Variants in WDR70 observed in about 807,000 individuals in gnomAD.
WDR70 encodes the protein WD repeat domain 70.
A neutral mutation model predicts 88.6 loss-of-function variants in WDR70; 53 were observed. The ratio of observed to expected loss-of-function variants is 0.60; its 90% CI spans 0.48 to 0.75. The LOEUF is 0.75. WDR70 is among the 30% of genes least tolerant of loss of function. The pLI is 0.00. For missense variants in WDR70, 610 were observed against 823.2 expected, an observed-to-expected ratio of 0.74 and a Z score of 3.17; for synonymous variants, 280 against 270.0, an observed-to-expected ratio of 1.04 and a Z score of -0.36.
At chr5:37,709,904 A>T (rs1371105387) in intron 13 of WDR70, among the ~76,000 whole-genome samples, 1 of 152,152 alleles carries the variant, frequency 6.6e-6, no homozygotes, top group African/African-American at 2.4e-5. Flanking sequence ...TTTAAATGGG[A>T]ATTTGAATTC....
In WDR70 at chr5:37,459,350, G is replaced by A. The variant is rs1182829834; in HGVS notation, c.686+15978G>A. On this transcript the variant is annotated intron_variant, in intron 7 of 17. Coordinates refer to ENST00000265107, the MANE Select transcript of WDR70 (RefSeq NM_018034.4). ...TGTAGATGTCTATTAGGTCCGCTTG[G>A]TGCAGAGCTGAGTTCAATTCCTGAA... Among the ~76,000 whole-genome samples, 6 of 150,730 alleles carry A rather than the reference G, an allele frequency of 4.0e-5. No individual in the cohort carries two copies. In the East Asian group the frequency reaches 9.9e-4, roughly 25 times the overall value.
At chr5:37,487,174 C>T (rs1183268897) in intron 8 of WDR70, among the ~76,000 whole-genome samples, 1 of 152,150 alleles carries the variant, frequency 6.6e-6, no homozygotes, top group Non-Finnish European at 1.5e-5. Flanking sequence ...CAAATATTCT[C>T]TCTCTTTTGA....
intron 10 of WDR70, among the ~76,000 whole-genome samples, chr5:37,619,770 T>G (rs1262823611): frequency 6.6e-6 from 1 of 151,912 alleles, no homozygotes; most frequent in Admixed American, 6.6e-5. Flanking sequence ...TGTTTTTTCT[T>G]CTACTAATTA....
chr5:37,457,026 A>G (rs1187747407), intron 7 of WDR70, among the ~76,000 whole-genome samples: 1 of 152,222 alleles, frequency 6.6e-6, no homozygotes, highest in African/African-American at 2.4e-5. Flanking sequence ...AAGAGAACAT[A>G]TACTATCCAA....
intron 16 of WDR70, among the ~76,000 whole-genome samples, chr5:37,726,208 T>G (rs1747966072): frequency 6.6e-6 from 1 of 152,210 alleles, no homozygotes; most frequent in African/African-American, 2.4e-5. Context: ...ATCTCACAGT[T>G]AATTATTTCC....
At chr5:37,402,667 C>T (rs576183079) in intron 5 of WDR70, among the ~76,000 whole-genome samples, 3 of 152,188 alleles carry the variant, frequency 2.0e-5, no homozygotes, top group African/African-American at 7.2e-5. Flanking sequence ...TTATTCTCTT[C>T]TAGCTGTTTT....
intron 9 of WDR70, among the ~76,000 whole-genome samples, chr5:37,600,544 A>AG (rs1554155789): frequency 2.0e-5 from 3 of 151,306 alleles, no homozygotes; most frequent in Non-Finnish European, 2.9e-5. Context: ...AAAAAAAAAA[A>AG]GAACATCTAG....
intron 10 of WDR70, among the ~76,000 whole-genome samples, chr5:37,686,881 A>G (rs537367968): frequency 2.6e-4 from 39 of 150,460 alleles, no homozygotes; most frequent in South Asian, 4.3e-4. Context: ...AGGCACACCT[A>G]AGAATAAGAG....
chr5:37,389,222 A>G (rs1385910414), intron 3 of WDR70, among the ~76,000 whole-genome samples: 1 of 149,766 alleles, frequency 6.7e-6, no homozygotes, highest in Admixed American at 6.7e-5. Context: ...TGTCCCGAGT[A>G]GCTGGGACTA....
chr5:37,691,901 C>A (rs568477020), intron 10 of WDR70, among the ~76,000 whole-genome samples: 3 of 152,096 alleles, frequency 2.0e-5, no homozygotes, highest in Non-Finnish European at 2.9e-5. Context: ...CCTTCAAAAA[C>A]ACAATGAATC....
intron 9 of WDR70, among the ~76,000 whole-genome samples, chr5:37,544,522 G>T (rs1186629440): frequency 2.0e-5 from 3 of 152,162 alleles, no homozygotes; most frequent in Admixed American, 2.0e-4. Flanking sequence ...TTCTAAAGAT[G>T]AATTATAAAA....
intron 10 of WDR70, among the ~76,000 whole-genome samples, chr5:37,607,713 T>C (rs1744072265): frequency 6.6e-6 from 1 of 152,224 alleles, no homozygotes; most frequent in Non-Finnish European, 1.5e-5. Flanking sequence ...ATGGACAATA[T>C]AGACCATTTT....
At chr5:37,721,469 G>A in intron 14 of WDR70, 1 of 511,096 alleles carries the variant, frequency 2.0e-6, no homozygotes, top group Non-Finnish European at 3.5e-6. Flanking sequence ...AATGTTGAGT[G>A]CAAGGGGGAA....
chr5:37,711,555 A>G (rs1194898361), intron 13 of WDR70, among the ~76,000 whole-genome samples: 1 of 152,196 alleles, frequency 6.6e-6, no homozygotes, highest in African/African-American at 2.4e-5. Context: ...CTTGAAGATT[A>G]TAAAGTTACT....
At chr5:37,680,560 T>C (rs1477480146) in intron 10 of WDR70, among the ~76,000 whole-genome samples, 1 of 152,226 alleles carries the variant, frequency 6.6e-6, no homozygotes, top group Non-Finnish European at 1.5e-5. Flanking sequence ...CAATCCATCT[T>C]GTGTTGATTT....
At chr5:37,399,664 C>G (rs1158334041) in intron 5 of WDR70, among the ~76,000 whole-genome samples, 2 of 152,048 alleles carry the variant, frequency 1.3e-5, no homozygotes, top group Non-Finnish European at 2.9e-5. Context: ...CCATAGAAAA[C>G]AGAATTGGAT....
chr5:37,473,659 T>C (rs1280772972), intron 7 of WDR70, among the ~76,000 whole-genome samples: 1 of 152,198 alleles, frequency 6.6e-6, no homozygotes, highest in Non-Finnish European at 1.5e-5. Flanking sequence ...TTCTTAATGT[T>C]GTCTTTTGAT....
At chr5:37,453,764 CTG>C (rs1473353869) in intron 7 of WDR70, among the ~76,000 whole-genome samples, 2 of 152,112 alleles carry the variant, frequency 1.3e-5, no homozygotes, top group Admixed American at 6.5e-5. Flanking sequence ...CCCTCTGTAA[CTG>C]TCATCAAGTT....
At chr5:37,492,123 T>G (rs1740085831) in intron 8 of WDR70, among the ~76,000 whole-genome samples, 1 of 152,226 alleles carries the variant, frequency 6.6e-6, no homozygotes, top group Admixed American at 6.5e-5. Flanking sequence ...TTCATTGCTG[T>G]TGGGTGTCAT....
Sources: gnomAD v4.1 joint callset for allele counts (sites outside exome capture counted in the v4.1 genomes callset) on GRCh38, gnomAD v4.1.1 for gene constraint, MANE v1.5 for transcripts, NCBI Gene and HGNC (gene_info 2026-07-23, HGNC 2026-07-21) for gene names.